Variants in MGAT4C observed in about 807,000 individuals in gnomAD.
MGAT4C encodes the protein alpha-1,3-mannosyl-glycoprotein 4-beta-N-acetylglucosaminyltransferase C.
In MGAT4C, 19 loss-of-function variants were observed where a neutral mutation model predicts 40.1. That is an observed-to-expected ratio of 0.47 (90% confidence interval 0.33 to 0.70). The LOEUF (loss-of-function observed/expected upper bound fraction) is 0.70. Among genes scored for constraint, MGAT4C ranks in the 30% least tolerant of loss-of-function variants. The pLI, the probability that MGAT4C is intolerant of heterozygous loss-of-function variation, is 0.02. For synonymous variants in MGAT4C, 181 were observed against 187.1 expected (o/e 0.97, Z 0.27); for missense variants, 491 against 563.2 (o/e 0.87, Z 1.30).
chr12:86,836,453 G>C (rs908021928), intron 1 of MGAT4C, among the ~76,000 whole-genome samples: 2 of 151,756 alleles, frequency 1.3e-5, no homozygotes, highest in South Asian at 2.1e-4. Flanking sequence ...ACATATCATG[G>C]GCACTCAGTA....
chr12:86,687,901 T>A (rs933856637), intron 2 of MGAT4C, among the ~76,000 whole-genome samples: 3 of 152,166 alleles, frequency 2.0e-5, no homozygotes, highest in African/African-American at 7.2e-5. Flanking sequence ...TAATTTTCTG[T>A]ATTGTTGATC....
At chr12:86,208,642 A>G (rs780841132) in intron 1 of MGAT4C, among the ~76,000 whole-genome samples, 45 of 151,856 alleles carry the variant, frequency 3.0e-4, no homozygotes, top group Non-Finnish European at 5.7e-4. Flanking sequence ...TCTTTTCTCT[A>G]TTGCAGTAGA....
intron 1 of MGAT4C, among the ~76,000 whole-genome samples, chr12:86,130,640 C>A (rs1301251391): frequency 1.3e-5 from 2 of 151,760 alleles, no homozygotes; most frequent in African/African-American, 2.4e-5. Context: ...AATTTAGACT[C>A]CAGTAGAAGT....
intron 2 of MGAT4C, among the ~76,000 whole-genome samples, chr12:86,008,928 A>C (rs1401602213): frequency 6.6e-6 from 1 of 152,044 alleles, no homozygotes; most frequent in Non-Finnish European, 1.5e-5. Flanking sequence ...AATTTAAACC[A>C]AATAGAAGTA....
chr12:86,449,030 T>G (rs544409276), intron 2 of MGAT4C, among the ~76,000 whole-genome samples: 1 of 152,248 alleles, frequency 6.6e-6, no homozygotes, highest in African/African-American at 2.4e-5. Flanking sequence ...CTCTTGTCAC[T>G]GAAAAGAGAG....
chr12:86,564,717 G>A (rs1033034583), intron 2 of MGAT4C, among the ~76,000 whole-genome samples: 1 of 152,192 alleles, frequency 6.6e-6, no homozygotes, highest in African/African-American at 2.4e-5. Context: ...GATTCACAAT[G>A]CCTAGTGGGC....
intron 3 of MGAT4C, among the ~76,000 whole-genome samples, chr12:85,984,880 G>A (rs1885039512): frequency 6.6e-6 from 1 of 152,100 alleles, no homozygotes; most frequent in Admixed American, 6.5e-5. Context: ...CTAGGTTCAA[G>A]CCATTCTCCT....
chr12:86,511,070 C>A (rs1020268124), intron 2 of MGAT4C, among the ~76,000 whole-genome samples: 101 of 152,100 alleles, frequency 6.6e-4, no homozygotes, highest in African/African-American at 2.2e-3. Context: ...ACCTATTCCA[C>A]AATTGACCAC....
chr12:86,700,318 A>T (rs1234699611), intron 2 of MGAT4C, among the ~76,000 whole-genome samples: 3 of 151,998 alleles, frequency 2.0e-5, no homozygotes, highest in Admixed American at 6.6e-5. Flanking sequence ...AACAGAGTTA[A>T]TTTTAGAGAG....
chr12:86,613,841 G>T (rs556086840), intron 2 of MGAT4C, among the ~76,000 whole-genome samples: 1 of 152,140 alleles, frequency 6.6e-6, no homozygotes, highest in South Asian at 2.1e-4. Context: ...TCTAAGGGTT[G>T]AACAAAACAG....
chr12:86,333,072 G>A (rs1422114863), intron 4 of MGAT4C, among the ~76,000 whole-genome samples: 4 of 152,040 alleles, frequency 2.6e-5, no homozygotes, highest in South Asian at 2.1e-4. Flanking sequence ...ATGCTCTATC[G>A]CACACAGAGT....
chr12:86,183,187 T>G (rs1425138489), intron 1 of MGAT4C, among the ~76,000 whole-genome samples: 1 of 152,230 alleles, frequency 6.6e-6, no homozygotes, highest in Non-Finnish European at 1.5e-5. Context: ...ATTTCTCTCC[T>G]ATATTTTTCA....
chr12:86,112,636 A>C (rs1038848311), intron 1 of MGAT4C, among the ~76,000 whole-genome samples: 18 of 151,814 alleles, frequency 1.2e-4, no homozygotes, highest in Admixed American at 2.6e-4. Flanking sequence ...TGACCAACGA[A>C]GTATTAACTG....
At chr12:86,803,647 C>CA (rs1952278722) in intron 1 of MGAT4C, among the ~76,000 whole-genome samples, 1 of 149,706 alleles carries the variant, frequency 6.7e-6, no homozygotes, top group African/African-American at 2.4e-5. Flanking sequence ...TTTATGCAGC[C>CA]AAAAAACACA....
chr12:86,142,748 G>A (rs1883015604), intron 1 of MGAT4C, among the ~76,000 whole-genome samples: 1 of 150,504 alleles, frequency 6.6e-6, no homozygotes, highest in Non-Finnish European at 1.5e-5. Flanking sequence ...GTTGGGGGTT[G>A]TCGAGGCTTC....
intron 3 of MGAT4C, among the ~76,000 whole-genome samples, chr12:85,984,414 G>A (rs918384659): frequency 6.6e-6 from 1 of 152,018 alleles, no homozygotes; most frequent in Non-Finnish European, 1.5e-5. Context: ...TGGATGTAAT[G>A]CCCGATCCTT....
At chr12:86,092,527 A>C (rs1873075294) in intron 1 of MGAT4C, among the ~76,000 whole-genome samples, 1 of 152,152 alleles carries the variant, frequency 6.6e-6, no homozygotes, top group Admixed American at 6.6e-5. Flanking sequence ...TTATATTATT[A>C]ACATTGGAAA....
intron 2 of MGAT4C, among the ~76,000 whole-genome samples, chr12:86,608,707 TA>T (rs527856945): frequency 0.049 from 7,068 of 145,648 alleles, 186 homozygotes; most frequent in Non-Finnish European, 0.059. Flanking sequence ...AACCAGTATG[TA>T]AAAAAAAAAA....
chr12:86,714,861 G>T (rs80268613), intron 2 of MGAT4C, among the ~76,000 whole-genome samples: 2 of 151,890 alleles, frequency 1.3e-5, no homozygotes, highest in Non-Finnish European at 2.9e-5. Context: ...AAGATGTAAC[G>T]AGAATAAGAG....
Sources: allele counts gnomAD v4.1 joint callset (sites outside exome capture counted in the v4.1 genomes callset), GRCh38; gene constraint gnomAD v4.1.1; transcripts MANE v1.5; gene names NCBI Gene and HGNC (gene_info 2026-07-23, HGNC 2026-07-21).